Variants in GLRX2 observed in about 807,000 individuals in gnomAD.
GLRX2 encodes the protein glutaredoxin 2.
In GLRX2, 12 loss-of-function variants were observed where a neutral mutation model predicts 16.4. That is an observed-to-expected ratio of 0.73 (90% CI 0.47 to 1.19). The LOEUF (loss-of-function observed/expected upper bound fraction) is 1.19. GLRX2 is among the 50% of genes most tolerant of loss of function. GLRX2 has a pLI of 0.00. For synonymous variants in GLRX2, 95 were observed against 76.2 expected (o/e 1.25, Z -1.28); for missense variants, 201 against 201.8 (o/e 1.00, Z 0.02).
At chr1:193,105,469 C>T, upstream of GLRX2, 2 of 1,458,330 alleles carry the variant, frequency 1.4e-6, no homozygotes, top group Admixed American at 2.4e-5. Context: ...CCCCGCCTTG[C>T]CCCGCCCCGT....
chr1:193,105,665 G>A, upstream of GLRX2: 3 of 1,592,098 alleles, frequency 1.9e-6, no homozygotes, highest in Non-Finnish European at 2.6e-6. Flanking sequence ...GATTCTTTTA[G>A]GTTTAGGGAC....
chr1:193,097,610 G>A lies in GLRX2; in HGVS notation c.334C>T (p.Leu112Phe), dbSNP rs771311559. Reference protein sequence around the residue: ...LEYGNQFQDALYKMTGERTVP... With the variant: ...LEYGNQFQDAFYKMTGERTVP... ...GTTCTTTCACCAGTCATTTTGTAAA[G>A]AGCATCTTGGAACTGGTTTCCATAT... is the stretch of plus-strand genomic sequence containing the variant. Residue 112 changes from leucine to phenylalanine, a missense_variant, in exon 3 of 4, where the codon CTT (leucine) becomes TTT (phenylalanine). Leu to Phe is a conservative substitution (Grantham distance 22). Coordinates refer to ENST00000367439, the MANE Select transcript of GLRX2 (RefSeq NM_197962.3). 3.1e-6 allele frequency: 5 copies of A among 1,608,264 alleles called. No individual in the cohort carries two copies. The highest frequency in any genetic ancestry group is 3.3e-4 in the Middle Eastern group (2 of 6,030).
chr1:193,097,623 C>G lies in GLRX2; in HGVS notation c.321G>C (p.Gln107His). The G allele has an allele frequency of 6.2e-7, 1 of 1,609,632 alleles. No homozygotes were observed. The highest frequency in any genetic ancestry group is 1.1e-5 in the South Asian group (1 of 89,986). The change falls in exon 3 of 4, where the codon CAG (glutamine) becomes CAC (histidine). Residue 107 changes from glutamine (Q) to histidine (H), a missense_variant. Coordinates refer to ENST00000367439, the MANE Select transcript of GLRX2 (RefSeq NM_197962.3). ...TCATTTTGTAAAGAGCATCTTGGAA[C>G]TGGTTTCCATATTCAAGCAGGTCCA... ...VELDLLEYGN[Q>H]FQDALYKMTG... is the part of the protein sequence containing the mutation.
intron 3 of GLRX2, among the ~76,000 whole-genome samples, chr1:193,097,307 CATCTT>C (rs1674978886): frequency 6.6e-6 from 1 of 152,230 alleles, no homozygotes; most frequent in African/African-American, 2.4e-5. Context: ...AGAATACTTT[CATCTT>C]GCCAAGAGCT....
At chr1:193,098,735 G>T (rs951913126) in intron 2 of GLRX2, among the ~76,000 whole-genome samples, 1 of 151,926 alleles carries the variant, frequency 6.6e-6, no homozygotes, top group African/African-American at 2.4e-5. Context: ...TTTTTTAGTA[G>T]AGACGGGGTT....
chr1:193,105,562 AT>A, upstream of GLRX2: 2 of 1,602,536 alleles, frequency 1.2e-6, no homozygotes, highest in Non-Finnish European at 1.7e-6. Context: ...CGAGCGCTGG[AT>A]TCCAGCGAGT....
intron 2 of GLRX2, among the ~76,000 whole-genome samples, chr1:193,099,061 CAGG>C (rs1482160488): frequency 6.6e-6 from 1 of 152,110 alleles, no homozygotes; most frequent in Non-Finnish European, 1.5e-5. Context: ...ACTCTTAATT[CAGG>C]AAAAGCTACT....
At chr1:193,105,541 C>T (rs1191348145), upstream of GLRX2, 5 of 1,590,944 alleles carry the variant, frequency 3.1e-6, no homozygotes, top group Non-Finnish European at 4.3e-6. Flanking sequence ...GCGCGTCCTC[C>T]CAGGGCTGCC....
chr1:193,097,565 C>T lies in GLRX2; in HGVS notation c.360+19G>A. 6.3e-7 allele frequency: 1 copy of T among 1,579,854 alleles called. No homozygotes were observed. Among genetic ancestry groups the T allele is most frequent in the Non-Finnish European group, 8.6e-7 (1 of 1,164,022 alleles). On this transcript the variant is annotated intron_variant, in intron 3 of 3. Coordinates refer to ENST00000367439, the MANE Select transcript of GLRX2 (RefSeq NM_197962.3). ...TACAACCTATTAAAGAGGAACAGCA[C>T]CACAGAGGATATACTCACAGTTCTT...
chr1:193,105,344 C>G lies in GLRX2; in HGVS notation c.39G>C (p.Leu13=). 6.5e-7 allele frequency: 1 copy of G among 1,547,942 alleles called. No individual in the cohort carries two copies. The highest frequency in any genetic ancestry group is 8.6e-7 in the Non-Finnish European group (1 of 1,157,032). ...WRRAALAGTR[L]VWSRSGSAGW... The stretch of plus-strand genomic sequence containing the variant: ...CTGCCGAGCCGCTCCTGCTCCAAAC[C>G]AGCCGCGTCCCCGCCAGCGCCGCGC... Residue 13 remains leucine, a synonymous_variant, in exon 1 of 4, where the codon CTG becomes CTC. Coordinates refer to ENST00000367439, the MANE Select transcript of GLRX2 (RefSeq NM_197962.3).
In GLRX2 at chr1:193,096,592, G is replaced by A. The variant is rs184415012; in HGVS notation, c.*33C>T. The A allele has an allele frequency of 6.8e-6, 9 of 1,328,884 alleles. No homozygotes were observed. The African/African-American group carries it at 1.3e-4, about 19-fold the overall frequency. 82.3% of individuals were successfully genotyped at this position (1,328,884 alleles called of 1,614,324 possible). On this transcript the variant is annotated 3_prime_UTR_variant, in exon 4 of 4. Transcript: ENST00000367439. ...TCGGGCATTACCACTTTAAATAACT[G>A]ACACTGTACTAGCAAACTTATTAGT...
chr1:193,100,797 C>T, intron 2 of GLRX2, among the ~76,000 whole-genome samples: 1 of 152,144 alleles, frequency 6.6e-6, no homozygotes. Flanking sequence ...AAACTGCTTC[C>T]CAGGCCAAAA....
intron 2 of GLRX2, among the ~76,000 whole-genome samples, 198 bp downstream of exon 2, chr1:193,100,943 C>A (rs530494592): frequency 3.9e-5 from 6 of 152,262 alleles, no homozygotes; most frequent in South Asian, 4.2e-4. Flanking sequence ...AAATCTCATA[C>A]GTTTTAATTA....
At chr1:193,100,283 T>C (rs1309955828) in intron 2 of GLRX2, among the ~76,000 whole-genome samples, 1 of 152,170 alleles carries the variant, frequency 6.6e-6, no homozygotes, top group Non-Finnish European at 1.5e-5. Flanking sequence ...AAGACCAGCC[T>C]GGCCAACATG....
intron 1 of GLRX2, among the ~76,000 whole-genome samples, chr1:193,103,525 T>C (rs920708794): frequency 1.3e-5 from 2 of 152,174 alleles, no homozygotes; most frequent in African/African-American, 4.8e-5. Context: ...TAAATTAAAC[T>C]TTATCATAGG....
At chr1:193,098,970 CT>C (rs1340073761) in intron 2 of GLRX2, among the ~76,000 whole-genome samples, 2 of 152,188 alleles carry the variant, frequency 1.3e-5, no homozygotes, top group Non-Finnish European at 2.9e-5. Context: ...AAATGTAAGG[CT>C]TACCCCTCTA....
At chr1:193,102,427 C>T (rs552720683) in intron 1 of GLRX2, among the ~76,000 whole-genome samples, 9 of 152,268 alleles carry the variant, frequency 5.9e-5, no homozygotes, top group Admixed American at 4.6e-4. Context: ...TCTTGGCTCA[C>T]TGCAATCTCC....
At chr1:193,101,341 A>C (rs976604109) in intron 1 of GLRX2, 137 bp from the exon 2 acceptor site, 1 of 635,894 alleles carries the variant, frequency 1.6e-6, no homozygotes, top group Non-Finnish European at 2.7e-6. Context: ...ACTTATTATC[A>C]GTACAAAATG....
At chr1:193,099,544 C>T (rs1675031696) in intron 2 of GLRX2, among the ~76,000 whole-genome samples, 1 of 152,130 alleles carries the variant, frequency 6.6e-6, no homozygotes, top group Non-Finnish European at 1.5e-5. Context: ...GTTGCCCAAG[C>T]TGGTGTTGAA....
Sources: gnomAD v4.1 joint callset for allele counts (sites outside exome capture counted in the v4.1 genomes callset) on GRCh38, gnomAD v4.1.1 for gene constraint, MANE v1.5 for transcripts, NCBI Gene and HGNC (gene_info 2026-07-23, HGNC 2026-07-21) for gene names.